Variants in DACH1 observed in about 807,000 individuals in gnomAD.
The protein encoded by DACH1 is dachshund family transcription factor 1.
DACH1 carries 12 observed loss-of-function variants against 54.2 expected under a neutral mutation model. The observed-to-expected ratio is 0.22, with a 90% confidence interval of 0.14 to 0.36. The LOEUF (loss-of-function observed/expected upper bound fraction) is 0.36, where lower values mean the gene tolerates loss of function less well. Among genes scored for constraint, DACH1 ranks in the 10% least tolerant of loss-of-function variants. The pLI is 1.00. For synonymous variants in DACH1, 386 were observed against 366.2 expected, an observed-to-expected ratio of 1.05 and a Z score of -0.62; for missense variants, 805 against 929.8, an observed-to-expected ratio of 0.87 and a Z score of 1.75.
At chr13:71,767,230 T>A (rs1885675777) in intron 1 of DACH1, among the ~76,000 whole-genome samples, 1 of 152,052 alleles carries the variant, frequency 6.6e-6, no homozygotes, top group South Asian at 2.1e-4. Flanking sequence ...GTTATTCATA[T>A]AATTTTTGAG....
intron 6 of DACH1, among the ~76,000 whole-genome samples, chr13:71,502,102 T>C (rs549217439): frequency 2.2e-4 from 33 of 152,234 alleles, no homozygotes; most frequent in South Asian, 1.0e-3. Flanking sequence ...GCCATAAATA[T>C]ATATTCAAAA....
At chr13:71,553,053 G>T (rs533910329) in intron 6 of DACH1, among the ~76,000 whole-genome samples, 9 of 146,896 alleles carry the variant, frequency 6.1e-5, no homozygotes, top group African/African-American at 2.2e-4. Flanking sequence ...GTGGTGGTGG[G>T]TGCTGTAATC....
chr13:71,479,407 G>C lies in DACH1; in HGVS notation c.1723-91C>G, dbSNP rs188473381. The C allele has an allele frequency of 1.6e-4, 205 of 1,273,676 alleles. No homozygotes were observed. The African/African-American group carries it at 2.5e-3, about 16-fold the overall frequency. 78.9% of individuals were successfully genotyped at this position (1,273,676 alleles called of 1,614,324 possible). On this transcript the variant is annotated intron_variant, in intron 7 of 10. Coordinates refer to ENST00000613252, the MANE Select transcript of DACH1 (RefSeq NM_080759.6). ...AAGCATTTTCAAAGCAAAGAACCCA[G>C]TGATCAAATGACCTAATTCTTTCGC...
chr13:71,686,399 G>T (rs914065226), intron 1 of DACH1, among the ~76,000 whole-genome samples: 3 of 151,992 alleles, frequency 2.0e-5, no homozygotes, highest in Admixed American at 2.0e-4. Context: ...CAGACAGATC[G>T]CCAGGGGGGT....
At chr13:71,769,992 T>C (rs1244625546) in intron 1 of DACH1, among the ~76,000 whole-genome samples, 2 of 151,724 alleles carry the variant, frequency 1.3e-5, no homozygotes, top group Non-Finnish European at 3.0e-5. Flanking sequence ...CAGAAACCTA[T>C]AAACAATGTA....
chr13:71,489,499 T>C (rs987262603), intron 6 of DACH1, among the ~76,000 whole-genome samples: 4 of 152,126 alleles, frequency 2.6e-5, no homozygotes, highest in African/African-American at 9.6e-5. Context: ...TTTGTTCTGT[T>C]TGGATTGACA....
intron 3 of DACH1, among the ~76,000 whole-genome samples, chr13:71,601,900 T>G (rs1178328904): frequency 6.6e-6 from 1 of 152,036 alleles, no homozygotes; most frequent in Non-Finnish European, 1.5e-5. Context: ...TTATGCAATA[T>G]TCTTTTATGT....
chr13:71,564,044 C>A (rs971813634), intron 4 of DACH1, among the ~76,000 whole-genome samples: 1 of 151,862 alleles, frequency 6.6e-6, no homozygotes, highest in South Asian at 2.1e-4. Flanking sequence ...CATTGTTGCA[C>A]AATAAATTAA....
chr13:71,784,427 A>T (rs1448566494), intron 1 of DACH1, among the ~76,000 whole-genome samples: 1 of 152,138 alleles, frequency 6.6e-6, no homozygotes, highest in Admixed American at 6.6e-5. Flanking sequence ...TTGTAGAAAA[A>T]TTCATTATTT....
chr13:71,602,410 G>A (rs1874561372), intron 3 of DACH1, among the ~76,000 whole-genome samples: 1 of 151,742 alleles, frequency 6.6e-6, no homozygotes, highest in Non-Finnish European at 1.5e-5. Context: ...TTAATAATGA[G>A]TTGACCTTCT....
intron 3 of DACH1, among the ~76,000 whole-genome samples, chr13:71,581,550 A>T (rs969331419): frequency 1.3e-5 from 2 of 152,174 alleles, no homozygotes; most frequent in Non-Finnish European, 2.9e-5. Context: ...CACCGCGCCC[A>T]GCCCTAATTA....
chr13:71,581,058 C>A (rs1400477680), intron 3 of DACH1, among the ~76,000 whole-genome samples: 3 of 145,372 alleles, frequency 2.1e-5, no homozygotes, highest in Non-Finnish European at 4.5e-5. Flanking sequence ...TTTCTCTCAT[C>A]ATTGTATCCA....
At chr13:71,555,661 A>G (rs969413117) in intron 6 of DACH1, among the ~76,000 whole-genome samples, 8 of 152,194 alleles carry the variant, frequency 5.3e-5, no homozygotes, top group South Asian at 4.1e-4. Flanking sequence ...AATTTTTACA[A>G]TATTGCTATG....
chr13:71,698,492 A>C (rs1881945053), intron 1 of DACH1, among the ~76,000 whole-genome samples: 1 of 152,136 alleles, frequency 6.6e-6, no homozygotes, highest in African/African-American at 2.4e-5. Flanking sequence ...CAACACTTTT[A>C]TATTGATAAA....
intron 1 of DACH1, among the ~76,000 whole-genome samples, chr13:71,859,662 A>G (rs1460881105): frequency 2.0e-5 from 3 of 151,938 alleles, no homozygotes; most frequent in African/African-American, 7.2e-5. Flanking sequence ...TAGGTGTAAC[A>G]AATAAAGTAA....
At position 71,552,957 on chromosome 13, in the gene DACH1, G is replaced by A. The variant is rs189790460; in HGVS notation, c.1570+4067C>T. On this transcript the variant is annotated intron_variant, in intron 6 of 10. Coordinates refer to ENST00000613252, the MANE Select transcript of DACH1 (RefSeq NM_080759.6). ...AGCACTTTGGGAAGCCAAGGCAGGT[G>A]GATCACCTGAGATCAGGAGTTCGAG... Among the ~76,000 whole-genome samples, 883 of 146,506 alleles carry A rather than the reference G, an allele frequency of 6.0e-3. 10 individuals carry two copies. The highest frequency in any genetic ancestry group is 0.021 in the African/African-American group (839 of 39,908).
intron 2 of DACH1, among the ~76,000 whole-genome samples, chr13:71,638,897 C>T (rs1201605107): frequency 6.6e-6 from 1 of 152,154 alleles, no homozygotes; most frequent in East Asian, 1.9e-4. Context: ...TCTTGTCCAA[C>T]AATTCAATTC....
At chr13:71,565,425 T>A (rs1884841822) in intron 4 of DACH1, among the ~76,000 whole-genome samples, 1 of 152,112 alleles carries the variant, frequency 6.6e-6, no homozygotes, top group African/African-American at 2.4e-5. Flanking sequence ...GGAGCATATA[T>A]CACACCTGGT....
rs1873817687 is a variant in DACH1, at chr13:71,439,475, C to T, written c.*1180G>A. ...GCTACATGGTATTGGACTGGTACAT[C>T]AAGGTTTGTTAGGTTTTGTTTTCAG... On this transcript the variant is annotated 3_prime_UTR_variant, in exon 11 of 11. Coordinates refer to ENST00000613252, the MANE Select transcript of DACH1 (RefSeq NM_080759.6). The T allele has an allele frequency of 6.6e-6, 1 of 152,402 alleles. No homozygotes were observed. The highest frequency in any genetic ancestry group is 1.5e-5 in the Non-Finnish European group (1 of 67,912). The allele number at this position is 152,402 out of a possible 1,614,324, so 9.4% of individuals were successfully genotyped here.
Sources: gnomAD v4.1 joint callset for allele counts (sites outside exome capture counted in the v4.1 genomes callset) on GRCh38, gnomAD v4.1.1 for gene constraint, MANE v1.5 for transcripts, NCBI Gene and HGNC (gene_info 2026-07-23, HGNC 2026-07-21) for gene names.